Variants in KLRG1 observed in about 807,000 individuals in gnomAD.
KLRG1 encodes the protein killer cell lectin like receptor G1.
Under a neutral mutation model 21.8 loss-of-function variants are expected in KLRG1, and 16 were observed. The ratio of observed to expected loss-of-function variants is 0.73; its 90% confidence interval spans 0.50 to 1.11. The LOEUF is 1.11. Among genes scored for constraint, KLRG1 ranks in the 50% most tolerant of loss-of-function variants. The probability of loss-of-function intolerance (pLI) is 0.00; values close to 1 mark genes in which losing one functional copy is unlikely to be tolerated. For synonymous variants in KLRG1, 69 were observed against 75.9 expected (o/e 0.91, Z 0.47); for missense variants, 173 against 218.3 (o/e 0.79, Z 1.31).
chr12:8,973,703 A>G (rs995299378), intron 1 of KLRG1, among the ~76,000 whole-genome samples: 3 of 152,220 alleles, frequency 2.0e-5, no homozygotes, highest in African/African-American at 7.2e-5. Flanking sequence ...CTTTCCATTT[A>G]TCTGTGTCTT....
At chr12:9,068,002 C>G in the KLRG1 span, 1 of 958,044 alleles carries the variant, frequency 1.0e-6, no homozygotes, top group Non-Finnish European at 1.6e-6. Flanking sequence ...ATCCTATGGA[C>G]TCTCTGAGGT....
chr12:9,202,448 G>T, the KLRG1 span: 1 of 1,612,010 alleles, frequency 6.2e-7, no homozygotes, highest in Admixed American at 1.7e-5. Flanking sequence ...AGGCTACGGG[G>T]CTAGGATAAT....
the KLRG1 span, among the ~76,000 whole-genome samples, chr12:9,091,017 TA>T: frequency 6.6e-6 from 1 of 152,272 alleles, no homozygotes; most frequent in East Asian, 1.9e-4. Flanking sequence ...TGAAGGGTTA[TA>T]AGGGCTAGAA....
the KLRG1 span, chr12:9,192,546 A>G: frequency 3.1e-6 from 5 of 1,614,140 alleles, no homozygotes; most frequent in African/African-American, 1.3e-5. Context: ...TAACTCTCCC[A>G]TGGCCTGTCT....
intron 1 of KLRG1, among the ~76,000 whole-genome samples, chr12:8,982,108 C>T (rs1201393954): frequency 6.6e-6 from 1 of 152,114 alleles, no homozygotes; most frequent in East Asian, 1.9e-4. Flanking sequence ...ATTATGTTAC[C>T]TTATATGACA....
intron 3 of KLRG1, among the ~76,000 whole-genome samples, chr12:9,003,489 CT>C (rs1201131204): frequency 6.6e-6 from 1 of 151,790 alleles, no homozygotes; most frequent in Non-Finnish European, 1.5e-5. Flanking sequence ...AAAATCCATT[CT>C]TTTTTTCCTA....
At chr12:9,072,937 T>C in the KLRG1 span, 2 of 1,348,510 alleles carry the variant, frequency 1.5e-6, no homozygotes, top group Non-Finnish European at 2.1e-6. Context: ...TGAGATATTT[T>C]TCAAAGACCC....
chr12:9,089,167 A>G, the KLRG1 span: 1 of 1,493,496 alleles, frequency 6.7e-7, no homozygotes, highest in Non-Finnish European at 9.2e-7. Flanking sequence ...GTTAGACTTT[A>G]ATGTTTTTTA....
chr12:8,984,235 C>G (rs1404683791), intron 1 of KLRG1, among the ~76,000 whole-genome samples: 1 of 152,062 alleles, frequency 6.6e-6, no homozygotes, highest in Non-Finnish European at 1.5e-5. Flanking sequence ...TGGAGTCTCG[C>G]TCTGTCACCT....
the KLRG1 span, among the ~76,000 whole-genome samples, chr12:9,032,284 T>C: frequency 6.6e-6 from 1 of 152,206 alleles, no homozygotes; most frequent in Non-Finnish European, 1.5e-5. Context: ...AAGAGAGTTC[T>C]TAGCTTACCC....
In KLRG1 at chr12:9,009,474, T is replaced by C; in HGVS notation, c.507T>C (p.Asn169=). ...FVQTCGAINK[N]GLQASSCEVP... ...AGACATGCGGTGCCATCAACAAAAA[T>C]GGTCTTCAAGCCTCAAGCTGTGAAG... The change falls in exon 5 of 5, where the codon AAT becomes AAC. Residue 169 remains asparagine (N), a synonymous_variant. Coordinates refer to ENST00000356986, the MANE Select transcript of KLRG1 (RefSeq NM_005810.4). 6.2e-7 allele frequency: 1 copy of C among 1,613,990 alleles called. No homozygotes were observed. Among genetic ancestry groups the C allele is most frequent in the Non-Finnish European group, 8.5e-7 (1 of 1,179,928 alleles).
At chr12:9,028,338 A>G in the KLRG1 span, among the ~76,000 whole-genome samples, 1 of 149,414 alleles carries the variant, frequency 6.7e-6, no homozygotes, top group Admixed American at 6.6e-5. Flanking sequence ...TTTTATAGAG[A>G]CAGGTTTCAC....
At chr12:9,188,426 G>A in the KLRG1 span, among the ~76,000 whole-genome samples, 2 of 152,070 alleles carry the variant, frequency 1.3e-5, no homozygotes. Flanking sequence ...ATACTGAATG[G>A]GCAAAAGCTG....
chr12:9,062,584 A>T, the KLRG1 span, among the ~76,000 whole-genome samples: 2 of 131,680 alleles, frequency 1.5e-5, no homozygotes, highest in East Asian at 2.0e-4. Flanking sequence ...ATATACATTT[A>T]TATATATACA....
At chr12:9,187,519 G>C in the KLRG1 span, among the ~76,000 whole-genome samples, 89 of 152,218 alleles carry the variant, frequency 5.8e-4, no homozygotes, top group Non-Finnish European at 1.1e-3. Flanking sequence ...AATTCAATAA[G>C]AAGAAAATCA....
chr12:9,070,965 C>T, the KLRG1 span, among the ~76,000 whole-genome samples: 5 of 152,118 alleles, frequency 3.3e-5, no homozygotes, highest in African/African-American at 1.2e-4. Context: ...GGATTACAGG[C>T]ATGCACCACC....
chr12:9,071,026 G>A, the KLRG1 span, among the ~76,000 whole-genome samples: 2 of 151,954 alleles, frequency 1.3e-5, no homozygotes, highest in Admixed American at 1.3e-4. Context: ...CTCCATGTTG[G>A]TCAGGCTGGT....
At chr12:9,093,571 C>T in the KLRG1 span, 1 of 1,589,952 alleles carries the variant, frequency 6.3e-7, no homozygotes, top group Non-Finnish European at 8.6e-7. Context: ...CTTCCCATTA[C>T]ATCTGACTCT....
At chr12:9,060,493 G>A in the KLRG1 span, among the ~76,000 whole-genome samples, 1 of 152,140 alleles carries the variant, frequency 6.6e-6, no homozygotes, top group Non-Finnish European at 1.5e-5. Flanking sequence ...TTAGCCCAAC[G>A]TGGTGGTGGG....
Sources: allele counts gnomAD v4.1 joint callset (sites outside exome capture counted in the v4.1 genomes callset), GRCh38; gene constraint gnomAD v4.1.1; transcripts MANE v1.5; gene names NCBI Gene and HGNC (gene_info 2026-07-23, HGNC 2026-07-21).